QKI: variants seen among roughly 807,000 people sequenced by gnomAD.
QKI encodes the protein KH domain-containing RNA-binding protein QKI.
A neutral mutation model predicts 39.0 loss-of-function variants in QKI; 10 were observed. That is an observed-to-expected ratio of 0.26 (90% CI 0.16 to 0.43). QKI has a LOEUF of 0.43. Among genes scored for constraint, QKI ranks in the 20% least tolerant of loss-of-function variants. The pLI is 1.00. For missense variants in QKI, 218 were observed against 428.0 expected (o/e 0.51, Z 4.33); for synonymous variants, 204 against 155.4 (o/e 1.31, Z -2.33).
At chr6:163,527,811 G>C (rs908747495) in intron 3 of QKI, among the ~76,000 whole-genome samples, 1 of 152,120 alleles carries the variant, frequency 6.6e-6, no homozygotes. Context: ...ATAAACAATG[G>C]TGTTAATTAG....
At chr6:163,439,809 C>T (rs1789626379) in intron 1 of QKI, among the ~76,000 whole-genome samples, 1 of 151,806 alleles carries the variant, frequency 6.6e-6, no homozygotes, top group African/African-American at 2.4e-5. Context: ...GCCACCACGC[C>T]CAGCTAATTT....
intron 3 of QKI, among the ~76,000 whole-genome samples, chr6:163,513,574 T>G (rs116493754): frequency 0.011 from 1,603 of 152,284 alleles, 31 homozygotes; most frequent in African/African-American, 0.035. Flanking sequence ...TTCGCAGAGT[T>G]CAGTATCAGT....
intron 2 of QKI, among the ~76,000 whole-genome samples, chr6:163,459,366 C>T (rs1028883145): frequency 2.6e-5 from 4 of 152,128 alleles, no homozygotes; most frequent in African/African-American, 7.2e-5. Context: ...AGAGGGGGTA[C>T]TATTGGCATC....
At chr6:163,437,955 C>T (rs866674445) in intron 1 of QKI, among the ~76,000 whole-genome samples, 29 of 152,210 alleles carry the variant, frequency 1.9e-4, no homozygotes, top group Middle Eastern at 6.8e-3. Context: ...ATTTGACGGT[C>T]ATTTTCATAA....
chr6:163,519,632 T>A (rs1780030240), intron 3 of QKI, among the ~76,000 whole-genome samples: 1 of 151,852 alleles, frequency 6.6e-6, no homozygotes, highest in African/African-American at 2.4e-5. Context: ...TGTTCTTTAA[T>A]ACTATTTTAG....
At chr6:163,456,000 C>T (rs910143222) in intron 2 of QKI, among the ~76,000 whole-genome samples, 1 of 152,108 alleles carries the variant, frequency 6.6e-6, no homozygotes, top group Non-Finnish European at 1.5e-5. Context: ...CATTCTATTT[C>T]TCTGGCCTCA....
chr6:163,522,316 C>T (rs907510623), intron 3 of QKI, among the ~76,000 whole-genome samples: 5 of 152,088 alleles, frequency 3.3e-5, no homozygotes, highest in Non-Finnish European at 7.4e-5. Context: ...AAACCTTGTT[C>T]ACTCACAGGG....
chr6:163,535,967 A>G (rs1781177397), intron 4 of QKI, among the ~76,000 whole-genome samples: 1 of 152,134 alleles, frequency 6.6e-6, no homozygotes, highest in South Asian at 2.1e-4. Flanking sequence ...TACTGTTAGT[A>G]TTGTGTCCAA....
Position 163,437,224 on chromosome 6 carries a change from A to G in QKI, c.143-18055A>G, listed in dbSNP as rs551552473. 7.9e-5 allele frequency among the ~76,000 whole-genome samples: 12 copies of G among 152,350 alleles called. No individual in the cohort carries two copies. In the South Asian group the frequency reaches 2.5e-3, roughly 32 times the overall value. Reference sequence around the variant, plus strand: ...TGAAAATTAAAATTTGTTGCAATTTAACGTGTAACACGAAGCTAGAATAAG... The same window carrying G: ...TGAAAATTAAAATTTGTTGCAATTTGACGTGTAACACGAAGCTAGAATAAG... On this transcript the variant is annotated intron_variant, in intron 1 of 7. Coordinates refer to ENST00000361752, the MANE Select transcript of QKI (RefSeq NM_006775.3).
chr6:163,563,425 C>T lies in QKI; in HGVS notation c.640C>T (p.Leu214Phe), dbSNP rs1407424695. The change falls in exon 6 of 8, where the codon CTT (leucine) becomes TTT (phenylalanine). Residue 214 changes from leucine to phenylalanine, a missense_variant. By Grantham distance (22) the Leu-to-Phe change is conservative. Coordinates refer to ENST00000361752, the MANE Select transcript of QKI (RefSeq NM_006775.3). ...YRDANIKSPALAFSLAATAQA... is the reference protein window; with the variant it reads ...YRDANIKSPAFAFSLAATAQA... ...AATTTCTTTGCTTACTGTAGCAGCC[C>T]TTGCCTTTTCTCTTGCAGCAACAGC... The T allele has an allele frequency of 6.2e-7, 1 of 1,605,048 alleles. No individual in the cohort carries two copies.
chr6:163,565,793 T>C, intron 6 of QKI: 1 of 1,324,146 alleles, frequency 7.6e-7, no homozygotes, highest in Middle Eastern at 2.5e-4. Context: ...ACATGCATGC[T>C]ATTTATGTCA....
intron 4 of QKI, among the ~76,000 whole-genome samples, chr6:163,558,404 CTTTT>C (rs964172716): frequency 7.4e-6 from 1 of 135,608 alleles, no homozygotes; most frequent in Non-Finnish European, 1.6e-5. Context: ...TTTTCTTTTT[CTTTT>C]TTTTTTTTTT....
At chr6:163,568,089 C>G (rs545468235) in intron 7 of QKI, 1 of 985,186 alleles carries the variant, frequency 1.0e-6, no homozygotes, top group African/African-American at 1.7e-5. Flanking sequence ...GGATGGTATT[C>G]CTTGTAAGTG....
chr6:163,422,282 A>C (rs1454753672), intron 1 of QKI, among the ~76,000 whole-genome samples: 1 of 152,234 alleles, frequency 6.6e-6, no homozygotes, highest in Non-Finnish European at 1.5e-5. Context: ...TTATGTTCAT[A>C]AAGTTGCTTC....
intron 6 of QKI, 135 bp from the exon 7 acceptor site, chr6:163,566,586 C>T: frequency 2.6e-6 from 4 of 1,521,764 alleles, no homozygotes; most frequent in Admixed American, 2.2e-5. Context: ...TTTAAAACTA[C>T]TGTGCCTTAA....
At chr6:163,445,002 G>A (rs1243593462) in intron 1 of QKI, among the ~76,000 whole-genome samples, 3 of 152,028 alleles carry the variant, frequency 2.0e-5, no homozygotes, top group East Asian at 3.9e-4. Context: ...TCTACTTCCT[G>A]GGCTCAAGCG....
intron 1 of QKI, among the ~76,000 whole-genome samples, chr6:163,417,005 T>C (rs1582942762): frequency 1.3e-5 from 2 of 152,164 alleles, no homozygotes; most frequent in African/African-American, 4.8e-5. Context: ...ACCATGGAAA[T>C]GGTTGGAACA....
intron 2 of QKI, among the ~76,000 whole-genome samples, chr6:163,468,025 T>A (rs1013671278): frequency 1.3e-5 from 2 of 152,182 alleles, no homozygotes; most frequent in African/African-American, 4.8e-5. Flanking sequence ...GCTGTTAATA[T>A]ATAGACACAA....
intron 6 of QKI, chr6:163,566,270 C>G (rs1783357585): frequency 1.4e-5 from 17 of 1,235,830 alleles, no homozygotes; most frequent in Non-Finnish European, 1.6e-5. Context: ...GAGTTTAAAA[C>G]CACAATCTGT....
Sources: gnomAD v4.1 joint callset for allele counts (sites outside exome capture counted in the v4.1 genomes callset) on GRCh38, gnomAD v4.1.1 for gene constraint, MANE v1.5 for transcripts, NCBI Gene and HGNC (gene_info 2026-07-23, HGNC 2026-07-21) for gene names.